The following PVT1 variants were observed in gnomAD, a reference collection of about 807,000 sequenced individuals.
PVT1 encodes Pvt1 oncogene.
At chr8:127,966,287 T>G (rs1252843608) in intron 3 of PVT1, among the ~76,000 whole-genome samples, 1 of 152,122 alleles carries the variant, frequency 6.6e-6, no homozygotes, top group Non-Finnish European at 1.5e-5. Flanking sequence ...AGGGAGAGTA[T>G]TTTTGCCCCC....
At chr8:127,807,088 C>T (rs1814536542) in intron 2 of PVT1, among the ~76,000 whole-genome samples, 1 of 152,138 alleles carries the variant, frequency 6.6e-6, no homozygotes, top group Non-Finnish European at 1.5e-5. Flanking sequence ...CTTTAGAGAC[C>T]ACCTTGCCAG....
chr8:127,953,326 T>A (rs1045765864), intron 3 of PVT1, among the ~76,000 whole-genome samples: 2 of 152,176 alleles, frequency 1.3e-5, no homozygotes, highest in Non-Finnish European at 2.9e-5. Flanking sequence ...ATAAAATGAA[T>A]GAACAGATAG....
intron 2 of PVT1, among the ~76,000 whole-genome samples, chr8:127,879,042 C>T (rs940763629): frequency 6.6e-6 from 1 of 152,238 alleles, no homozygotes; most frequent in African/African-American, 2.4e-5. Context: ...AAGGCGTGAG[C>T]CCTATTGGGG....
At chr8:127,905,097 G>A (rs566425677) in intron 3 of PVT1, among the ~76,000 whole-genome samples, 1 of 152,350 alleles carries the variant, frequency 6.6e-6, no homozygotes, top group East Asian at 1.9e-4. Context: ...TTGGAGAAAA[G>A]TTTCTCTCTC....
chr8:127,996,597 A>G (rs1056586683), intron 4 of PVT1: 1 of 152,078 alleles, frequency 6.6e-6, no homozygotes, highest in Admixed American at 6.5e-5. Flanking sequence ...ACGAGAAACC[A>G]GGTCGGGATT....
chr8:128,004,755 C>G (rs1243019563), intron 4 of PVT1, among the ~76,000 whole-genome samples: 1 of 152,228 alleles, frequency 6.6e-6, no homozygotes, highest in East Asian at 1.9e-4. Flanking sequence ...CTTTCCCTCT[C>G]TGATTTTCCA....
At chr8:128,079,988 A>G (rs1814155525) in intron 5 of PVT1, among the ~76,000 whole-genome samples, 2 of 152,094 alleles carry the variant, frequency 1.3e-5, no homozygotes, top group African/African-American at 2.4e-5. Flanking sequence ...CCTCCCAAGG[A>G]TGTAGCCTTT....
chr8:127,921,998 C>G (rs1469875168), intron 3 of PVT1, among the ~76,000 whole-genome samples: 1 of 149,962 alleles, frequency 6.7e-6, no homozygotes, highest in Non-Finnish European at 1.5e-5. Flanking sequence ...GTAGCTAGGA[C>G]TACAAGCATG....
chr8:127,890,720 A>G (rs1198982478), exon 3 of PVT1: 2 of 152,266 alleles, frequency 1.3e-5, no homozygotes, highest in African/African-American at 2.4e-5. Flanking sequence ...GGTCTGGGGA[A>G]TAACGCTGGT....
At chr8:128,031,478 C>T (rs1037034445) in intron 4 of PVT1, among the ~76,000 whole-genome samples, 2 of 152,046 alleles carry the variant, frequency 1.3e-5, no homozygotes, top group Non-Finnish European at 1.5e-5. Context: ...GTTGCCAGGG[C>T]CCCTGGTATT....
At chr8:128,030,910 G>A (rs961972653) in intron 4 of PVT1, among the ~76,000 whole-genome samples, 3 of 152,220 alleles carry the variant, frequency 2.0e-5, no homozygotes, top group Non-Finnish European at 4.4e-5. Flanking sequence ...TAGAGCAGGT[G>A]TTCAGTAAAT....
chr8:127,812,168 G>A (rs1814602057), intron 2 of PVT1, among the ~76,000 whole-genome samples: 1 of 137,706 alleles, frequency 7.3e-6, no homozygotes, highest in South Asian at 2.7e-4. Context: ...GGAGGGGAGG[G>A]GAAGAGGGAG....
chr8:127,851,350 T>A (rs1815105450), intron 2 of PVT1, among the ~76,000 whole-genome samples: 1 of 152,182 alleles, frequency 6.6e-6, no homozygotes, highest in South Asian at 2.1e-4. Context: ...GCCATGGAAT[T>A]AGAGAATCTT....
chr8:127,813,183 AAT>A (rs1211121228), intron 2 of PVT1, among the ~76,000 whole-genome samples: 49 of 94,376 alleles, frequency 5.2e-4, no homozygotes, highest in African/African-American at 8.8e-4. Context: ...AAATATATAT[AAT>A]ATATACAAAT....
chr8:127,991,381 T>A (rs1452780598), intron 4 of PVT1, among the ~76,000 whole-genome samples: 1 of 152,032 alleles, frequency 6.6e-6, no homozygotes, highest in Non-Finnish European at 1.5e-5. Flanking sequence ...CCTGACCTTG[T>A]GATCTGCCCG....
At chr8:127,869,128 C>A (rs570088878) in intron 2 of PVT1, among the ~76,000 whole-genome samples, 6 of 151,648 alleles carry the variant, frequency 4.0e-5, no homozygotes, top group Middle Eastern at 3.4e-3. Context: ...CATTATTATT[C>A]TTTATTTATT....
chr8:127,966,046 G>C (rs574611689), intron 3 of PVT1, among the ~76,000 whole-genome samples: 3 of 152,200 alleles, frequency 2.0e-5, no homozygotes, highest in Non-Finnish European at 1.5e-5. Context: ...ACATGGAGGG[G>C]GTAGCTTGCT....
rs1014219961 is a variant in PVT1 at position 128,021,690 on chromosome 8, T to A, written n.912+32399T>A. Among the ~76,000 whole-genome samples the A allele has an allele frequency of 5.9e-5, 9 of 152,308 alleles. No homozygotes were observed. In the South Asian group the frequency reaches 6.2e-4, roughly 11 times the overall value. ...AAAAATACTCCTGGGATTTTTCAAG[T>A]CCTTGGAGACATCCATCTTAAAATA... On this transcript the variant is annotated intron_variant and non_coding_transcript_variant, in intron 4 of 10. Coordinates refer to ENST00000651587, the Ensembl canonical transcript of PVT1.
rs188374039 is a variant in PVT1 at position 127,808,709 on chromosome 8, A to G, written n.372+12638A>G. ...CAGTGGAGAGGAAGAGAAGAGGATG[A>G]GTTTGGTATTTATTTTGGAGACAGA... On this transcript the variant is annotated intron_variant and non_coding_transcript_variant, in intron 2 of 10. Transcript: ENST00000651587. Among the ~76,000 whole-genome samples the G allele has an allele frequency of 4.9e-3, 752 of 152,148 alleles. 10 individuals are homozygous for G. The highest frequency in any genetic ancestry group is 0.017 in the African/African-American group (724 of 41,502).
Sources: gnomAD v4.1 joint callset for allele counts (sites outside exome capture counted in the v4.1 genomes callset) on GRCh38, gnomAD v4.1.1 for gene constraint, MANE v1.5 for transcripts, NCBI Gene and HGNC (gene_info 2026-07-23, HGNC 2026-07-21) for gene names.